Variants in ITSN1 observed in about 807,000 individuals in gnomAD.
The protein encoded by ITSN1 is intersectin 1, also known as intersectin-1.
A neutral mutation model predicts 239.8 loss-of-function variants in ITSN1; 58 were observed. The ratio of observed to expected loss-of-function variants is 0.24; its 90% CI spans 0.20 to 0.30. ITSN1 has a LOEUF of 0.30. Ranked by LOEUF, ITSN1 falls within the 10% of genes least tolerant of loss-of-function variation. ITSN1 has a pLI of 1.00. For missense variants in ITSN1, 1,558 were observed against 2,103.3 expected (o/e 0.74, Z 5.07); for synonymous variants, 780 against 770.8 (o/e 1.01, Z -0.20).
rs142541708 is a variant in ITSN1 at position 33,800,190 on chromosome 21, G to A, written c.2304+261G>A. On this transcript the variant is annotated intron_variant, in intron 19 of 39. Transcript: ENST00000381318. ...CTTATTTTTAAATCTATAAATGTCT[G>A]ATAATTTCAGAGTTTAGATTACTAC... Among the ~76,000 whole-genome samples, 44 of 151,992 alleles carry A rather than the reference G, an allele frequency of 2.9e-4. No homozygotes were observed. The East Asian group carries it at 8.3e-3, about 29-fold the overall frequency.
At chr21:33,651,793 T>C (rs900494878) in intron 1 of ITSN1, among the ~76,000 whole-genome samples, 4 of 152,178 alleles carry the variant, frequency 2.6e-5, no homozygotes, top group African/African-American at 9.7e-5. Flanking sequence ...GTCTGTCCAA[T>C]CTGGAGTTTT....
rs538597433 is a variant in ITSN1 at position 33,758,950 on chromosome 21, A to C, written c.725-2973A>C. On this transcript the variant is annotated intron_variant, in intron 8 of 39. Transcript: ENST00000381318. ...AACTGTGTGTTGTCCAAATGTGCTAAGATGCTATCTTAGCTGTTGCTGATC... is the reference window on the plus strand; with the variant it reads ...AACTGTGTGTTGTCCAAATGTGCTACGATGCTATCTTAGCTGTTGCTGATC... Among the ~76,000 whole-genome samples, 5 of 152,350 alleles carry C rather than the reference A, an allele frequency of 3.3e-5. No homozygotes were observed. In the East Asian group the frequency reaches 5.8e-4, roughly 18 times the overall value.
intron 29 of ITSN1, among the ~76,000 whole-genome samples, chr21:33,841,835 G>A (rs1339532587): frequency 6.6e-6 from 1 of 152,092 alleles, no homozygotes. Context: ...TCTTTGAAAT[G>A]TCTGGTATTC....
At chr21:33,870,353 A>C (rs1982498074) in intron 33 of ITSN1, among the ~76,000 whole-genome samples, 1 of 152,334 alleles carries the variant, frequency 6.6e-6, no homozygotes, top group Non-Finnish European at 1.5e-5. Context: ...TAAAACAAGA[A>C]AAGGACTGCA....
chr21:33,706,386 T>C (rs1445323450), intron 1 of ITSN1, among the ~76,000 whole-genome samples: 1 of 152,120 alleles, frequency 6.6e-6, no homozygotes, highest in Non-Finnish European at 1.5e-5. Flanking sequence ...TATATGAAAT[T>C]TAAAATGAGA....
In ITSN1 at chr21:33,834,432, G is replaced by A. The variant is rs1272861918; in HGVS notation, c.3469+8G>A. Reference sequence around the variant, plus strand: ...CAACAGCATTAGCGGCAGGTAAGGAGTTTCGCATCTCTAACTGGAAGATGG... The same window carrying A: ...CAACAGCATTAGCGGCAGGTAAGGAATTTCGCATCTCTAACTGGAAGATGG... On this transcript the variant is annotated splice_region_variant and intron_variant, in intron 28 of 39. Coordinates refer to ENST00000381318, the MANE Select transcript of ITSN1 (RefSeq NM_003024.3). 15 of 1,578,286 alleles carry A rather than the reference G, an allele frequency of 9.5e-6. No homozygotes were observed. Among genetic ancestry groups the A allele is most frequent in the Non-Finnish European group, 1.3e-5 (15 of 1,151,180 alleles).
intron 1 of ITSN1, chr21:33,643,508 G>C (rs1164830398): frequency 1.3e-5 from 2 of 151,990 alleles, no homozygotes; most frequent in Non-Finnish European, 2.9e-5. Flanking sequence ...CTTGGGATTA[G>C]AAAACAACTT....
chr21:33,691,481 GATCCAGCTCAATTCTGA>G (rs2091546244), intron 1 of ITSN1, among the ~76,000 whole-genome samples: 1 of 152,134 alleles, frequency 6.6e-6, no homozygotes, highest in African/African-American at 2.4e-5. Flanking sequence ...GGCGGGGAGA[GATCCAGCTCAATTCTGA>G]ATCCAGCAAG....
At chr21:33,726,665 G>A (rs2065852637) in intron 4 of ITSN1, among the ~76,000 whole-genome samples, 1 of 151,926 alleles carries the variant, frequency 6.6e-6, no homozygotes, top group Non-Finnish European at 1.5e-5. Context: ...GAGTCTACAG[G>A]CATACACCAC....
At chr21:33,841,594 C>T (rs1342859620) in intron 29 of ITSN1, among the ~76,000 whole-genome samples, 1 of 152,186 alleles carries the variant, frequency 6.6e-6, no homozygotes, top group Non-Finnish European at 1.5e-5. Context: ...CTCATTTGGT[C>T]TAAGAAGGAG....
At chr21:33,711,535 G>T (rs2092413791) in intron 1 of ITSN1, among the ~76,000 whole-genome samples, 2 of 150,684 alleles carry the variant, frequency 1.3e-5, no homozygotes, top group South Asian at 4.2e-4. Context: ...GGTTTTGTTT[G>T]TCCTTTCTGT....
intron 4 of ITSN1, among the ~76,000 whole-genome samples, chr21:33,725,346 T>TG (rs1569030833): frequency 6.6e-6 from 1 of 151,734 alleles, no homozygotes; most frequent in African/African-American, 2.4e-5. Context: ...ATGTTGGTCA[T>TG]GCTGGTCTCA....
chr21:33,760,517 G>A (rs1334735129), intron 8 of ITSN1, among the ~76,000 whole-genome samples: 2 of 152,146 alleles, frequency 1.3e-5, no homozygotes, highest in African/African-American at 4.8e-5. Context: ...TGCCATTAGA[G>A]CACCTCTCAT....
chr21:33,862,666 G>A (rs1320562640), intron 31 of ITSN1, among the ~76,000 whole-genome samples: 1 of 152,154 alleles, frequency 6.6e-6, no homozygotes, highest in Non-Finnish European at 1.5e-5. Flanking sequence ...CAGTCGTGGC[G>A]GGAGGTGGGT....
intron 27 of ITSN1, among the ~76,000 whole-genome samples, chr21:33,830,588 G>C (rs1032586056): frequency 1.3e-5 from 2 of 152,096 alleles, no homozygotes; most frequent in African/African-American, 4.8e-5. Flanking sequence ...AAAACCTGTC[G>C]AAAGGGGGCT....
intron 14 of ITSN1, among the ~76,000 whole-genome samples, chr21:33,776,543 TCAA>T (rs2069637753): frequency 1.0e-5 from 1 of 97,580 alleles, no homozygotes. Flanking sequence ...GAGACCCTGT[TCAA>T]AAAAAAAAAA....
At chr21:33,868,493 C>A (rs1328597380) in intron 33 of ITSN1, among the ~76,000 whole-genome samples, 3 of 152,210 alleles carry the variant, frequency 2.0e-5, no homozygotes. Context: ...GCTGAGAAAT[C>A]GAGCGCAGCG....
intron 35 of ITSN1, among the ~76,000 whole-genome samples, chr21:33,883,184 G>T (rs1038083510): frequency 6.6e-6 from 1 of 152,208 alleles, no homozygotes; most frequent in African/African-American, 2.4e-5. Context: ...CAGGAAAAGC[G>T]ACACCAGCCA....
intron 1 of ITSN1, among the ~76,000 whole-genome samples, chr21:33,652,030 A>G (rs1247053437): frequency 6.6e-6 from 1 of 152,258 alleles, no homozygotes; most frequent in Non-Finnish European, 1.5e-5. Context: ...GGAAACATAT[A>G]TAAGGAAAGA....
Sources: allele counts gnomAD v4.1 joint callset (sites outside exome capture counted in the v4.1 genomes callset), GRCh38; gene constraint gnomAD v4.1.1; transcripts MANE v1.5; gene names NCBI Gene and HGNC (gene_info 2026-07-23, HGNC 2026-07-21).